The following MAGI1 variants were observed in gnomAD, a reference collection of about 807,000 sequenced individuals.
MAGI1 encodes the protein membrane-associated guanylate kinase, WW and PDZ domain-containing protein 1.
A neutral mutation model predicts 139.9 loss-of-function variants in MAGI1; 58 were observed. That is an observed-to-expected ratio of 0.41 (90% confidence interval 0.34 to 0.52). MAGI1 has a LOEUF of 0.52. MAGI1 is among the 20% of genes least tolerant of loss of function. MAGI1 has a pLI of 0.12. For missense variants in MAGI1, 1,874 were observed against 1,901.6 expected (o/e 0.99, Z 0.27); for synonymous variants, 812 against 737.9 (o/e 1.10, Z -1.63).
chr3:65,992,837 T>C (rs2066250047), intron 1 of MAGI1, among the ~76,000 whole-genome samples: 1 of 152,082 alleles, frequency 6.6e-6, no homozygotes, highest in Non-Finnish European at 1.5e-5. Context: ...TTATTGTTGT[T>C]GTTGTTATTG....
intron 1 of MAGI1, among the ~76,000 whole-genome samples, chr3:65,780,380 T>C (rs1313676692): frequency 1.3e-5 from 2 of 152,202 alleles, no homozygotes; most frequent in African/African-American, 4.8e-5. Flanking sequence ...ATTCTGAAAT[T>C]ACCAACTTGG....
At chr3:65,954,492 C>G (rs1023291005) in intron 1 of MAGI1, 1 of 152,542 alleles carries the variant, frequency 6.6e-6, no homozygotes, top group African/African-American at 2.4e-5. Context: ...ACGGCGGATC[C>G]GGAAACAGGC....
intron 2 of MAGI1, among the ~76,000 whole-genome samples, chr3:65,603,684 T>A (rs2106861185): frequency 6.6e-6 from 1 of 152,340 alleles, no homozygotes; most frequent in Non-Finnish European, 1.5e-5. Context: ...TTGTCTTTCT[T>A]TGTGTTGCTA....
chr3:65,580,558 A>G (rs915899125), intron 2 of MAGI1, among the ~76,000 whole-genome samples: 11 of 152,162 alleles, frequency 7.2e-5, no homozygotes, highest in Admixed American at 2.0e-4. Context: ...ATTTTTTTCA[A>G]TTAACAAGTC....
At chr3:65,705,785 C>A (rs1346982878) in intron 1 of MAGI1, among the ~76,000 whole-genome samples, 3 of 152,204 alleles carry the variant, frequency 2.0e-5, no homozygotes, top group Non-Finnish European at 4.4e-5. Context: ...ATGAAACGAA[C>A]TTTTAAGTCT....
intron 12 of MAGI1, among the ~76,000 whole-genome samples, chr3:65,412,829 C>G (rs1261570374): frequency 6.6e-6 from 1 of 152,150 alleles, no homozygotes; most frequent in Admixed American, 6.5e-5. Context: ...CGCTGTGCCA[C>G]CTGGTGTCCT....
At chr3:65,371,505 CT>C (rs1324022259) in intron 18 of MAGI1, among the ~76,000 whole-genome samples, 2 of 152,104 alleles carry the variant, frequency 1.3e-5, no homozygotes, top group Non-Finnish European at 2.9e-5. Context: ...ATGTTGATGC[CT>C]GCTGACTGAT....
intron 1 of MAGI1, among the ~76,000 whole-genome samples, chr3:65,999,476 G>A (rs1373727962): frequency 6.6e-6 from 1 of 151,986 alleles, no homozygotes; most frequent in Non-Finnish European, 1.5e-5. Flanking sequence ...TACCCCTCAA[G>A]TGTGAGGGGA....
chr3:65,369,958 A>G (rs1941823707), intron 18 of MAGI1, among the ~76,000 whole-genome samples: 1 of 152,164 alleles, frequency 6.6e-6, no homozygotes, highest in Non-Finnish European at 1.5e-5. Context: ...AGGCATAGGC[A>G]CCTCCATTTT....
intron 7 of MAGI1, among the ~76,000 whole-genome samples, chr3:65,445,208 T>C (rs1393471451): frequency 6.6e-6 from 1 of 152,194 alleles, no homozygotes; most frequent in South Asian, 2.1e-4. Flanking sequence ...TTCATTTATC[T>C]CTACTACTCT....
At chr3:65,878,863 C>T (rs1200773571) in intron 1 of MAGI1, among the ~76,000 whole-genome samples, 1 of 152,140 alleles carries the variant, frequency 6.6e-6, no homozygotes, top group African/African-American at 2.4e-5. Flanking sequence ...ATCTACGAAA[C>T]AGGTATAGGT....
In MAGI1 at chr3:65,356,574, G is replaced by GACTTGGCC. The variant is rs1292200295; in HGVS notation, c.4185_4192dup (p.Ser1398TrpfsTer40). On this transcript the variant is annotated frameshift_variant, in exon 23 of 23. Coordinates refer to ENST00000402939, the MANE Select transcript of MAGI1 (RefSeq NM_001033057.2). LOFTEE classifies it low-confidence loss of function (END_TRUNC). ...GGAGCGTGCGCGCCTCCGGTCGGTG[G>GACTTGGCC]ACTTGGCCCTGCGCTCGGGCGAGCC... The GACTTGGCC allele has an allele frequency of 6.2e-7, 1 of 1,604,936 alleles. No individual in the cohort carries two copies. Among genetic ancestry groups the GACTTGGCC allele is most frequent in the Admixed American group, 1.7e-5 (1 of 58,588 alleles).
At chr3:65,910,556 G>A (rs1403959114) in intron 1 of MAGI1, among the ~76,000 whole-genome samples, 2 of 152,138 alleles carry the variant, frequency 1.3e-5, no homozygotes, top group African/African-American at 4.8e-5. Context: ...ACACTGATAC[G>A]ATGGAGGACA....
Position 65,607,864 on chromosome 3 carries a change from T to C in MAGI1, c.430+14108A>G, listed in dbSNP as rs941840249. Among the ~76,000 whole-genome samples the C allele has an allele frequency of 7.2e-5, 11 of 152,124 alleles. No homozygotes were observed. In the South Asian group the frequency reaches 2.3e-3, roughly 32 times the overall value. ...TGTCTTTCCTTTTGTACTACAACTATAAAAAAGAGAATAGCACATAAGAAA... is the reference window on the plus strand; with the variant it reads ...TGTCTTTCCTTTTGTACTACAACTACAAAAAAGAGAATAGCACATAAGAAA... On this transcript the variant is annotated intron_variant, in intron 2 of 22. Coordinates refer to ENST00000402939, the MANE Select transcript of MAGI1 (RefSeq NM_001033057.2).
At chr3:65,532,202 G>A (rs2078746461) in intron 2 of MAGI1, among the ~76,000 whole-genome samples, 1 of 151,978 alleles carries the variant, frequency 6.6e-6, no homozygotes, top group Non-Finnish European at 1.5e-5. Context: ...ATTTCCTATT[G>A]GGAGCAATTT....
chr3:65,554,079 A>G, intron 2 of MAGI1, among the ~76,000 whole-genome samples: 1 of 152,214 alleles, frequency 6.6e-6, no homozygotes, highest in Non-Finnish European at 1.5e-5. Context: ...GATATACTGT[A>G]TATCTGTTTA....
Position 66,016,527 on chromosome 3 carries a change from A to G in MAGI1, c.313+21469T>C, listed in dbSNP as rs1029866791. 2.6e-5 allele frequency among the ~76,000 whole-genome samples: 4 copies of G among 152,226 alleles called. No individual in the cohort carries two copies. The East Asian group carries it at 7.7e-4, about 29-fold the overall frequency. On this transcript the variant is annotated intron_variant, in intron 1 of 22. Coordinates refer to ENST00000402939, the MANE Select transcript of MAGI1 (RefSeq NM_001033057.2). ...CCCTTTGCAAAGAAGCGACGAGGAC[A>G]CGTTGCTGGCAAGGCTCTACTCTGG...
chr3:65,568,110 G>A (rs1173511543), intron 2 of MAGI1, among the ~76,000 whole-genome samples: 2 of 152,100 alleles, frequency 1.3e-5, no homozygotes, highest in Non-Finnish European at 2.9e-5. Flanking sequence ...GGCACTTAAC[G>A]TGGAAGACTG....
intron 12 of MAGI1, among the ~76,000 whole-genome samples, chr3:65,421,260 C>T (rs940838909): frequency 1.3e-5 from 2 of 152,118 alleles, no homozygotes; most frequent in African/African-American, 2.4e-5. Flanking sequence ...GAATAAAGGC[C>T]AGAAGGCTCC....
Sources: allele counts gnomAD v4.1 joint callset (sites outside exome capture counted in the v4.1 genomes callset), GRCh38; gene constraint gnomAD v4.1.1; transcripts MANE v1.5; gene names NCBI Gene and HGNC (gene_info 2026-07-23, HGNC 2026-07-21).